Variants in TENM4 observed in about 807,000 individuals in gnomAD.
The protein encoded by TENM4 is teneurin-4.
Under a neutral mutation model 243.3 loss-of-function variants are expected in TENM4, and 82 were observed. The observed-to-expected ratio is 0.34, with a 90% CI of 0.28 to 0.40. TENM4 has a LOEUF of 0.40. Ranked by LOEUF, TENM4 falls within the 10% of genes least tolerant of loss-of-function variation. The pLI is 1.00. For synonymous variants in TENM4, 1,412 were observed against 1,456.3 expected (o/e 0.97, Z 0.69); for missense variants, 3,138 against 3,673.3 (o/e 0.85, Z 3.77).
chr11:79,172,098 C>T (rs1465888315), intron 3 of TENM4, among the ~76,000 whole-genome samples: 2 of 152,150 alleles, frequency 1.3e-5, no homozygotes, highest in African/African-American at 2.4e-5. Context: ...ACTACAGGCA[C>T]GTGCCACCAC....
chr11:79,194,416 G>A (rs1353981586), intron 3 of TENM4, among the ~76,000 whole-genome samples: 1 of 152,076 alleles, frequency 6.6e-6, no homozygotes, highest in Non-Finnish European at 1.5e-5. Context: ...AGGAAAATGT[G>A]GGAAAGTTTG....
intron 3 of TENM4, among the ~76,000 whole-genome samples, chr11:79,202,972 TG>T (rs1407713182): frequency 6.6e-6 from 1 of 152,148 alleles, no homozygotes; most frequent in Non-Finnish European, 1.5e-5. Context: ...TCCTACAAAG[TG>T]GGTATTAATA....
chr11:79,058,672 GT>G (rs1860008144), intron 6 of TENM4, among the ~76,000 whole-genome samples: 3 of 152,178 alleles, frequency 2.0e-5, no homozygotes, highest in Admixed American at 2.0e-4. Context: ...AAATCTCTGT[GT>G]CCTTGGCTAG....
chr11:78,746,336 C>T (rs1050015612), intron 19 of TENM4, among the ~76,000 whole-genome samples: 11 of 152,232 alleles, frequency 7.2e-5, no homozygotes, highest in Non-Finnish European at 1.5e-5. Flanking sequence ...TCTTCAGGGA[C>T]CTGAGGCTGT....
At chr11:79,252,791 G>C (rs1855634198) in intron 2 of TENM4, among the ~76,000 whole-genome samples, 1 of 152,130 alleles carries the variant, frequency 6.6e-6, no homozygotes, top group African/African-American at 2.4e-5. Flanking sequence ...AGGAGGATGA[G>C]AGACTCATGG....
At chr11:78,685,028 C>T (rs1175869356) in intron 29 of TENM4, among the ~76,000 whole-genome samples, 2 of 152,120 alleles carry the variant, frequency 1.3e-5, no homozygotes, top group African/African-American at 2.4e-5. Flanking sequence ...CAGGCCCCCC[C>T]CACTCCCTCC....
At chr11:78,812,646 G>C (rs1857523695) in intron 13 of TENM4, among the ~76,000 whole-genome samples, 1 of 152,254 alleles carries the variant, frequency 6.6e-6, no homozygotes, top group Non-Finnish European at 1.5e-5. Context: ...CACTGGAAAA[G>C]CCAGTGGCTG....
In TENM4 at chr11:78,979,028, G is replaced by T. The variant is rs550026718; in HGVS notation, c.494-75505C>A. Among the ~76,000 whole-genome samples the T allele has an allele frequency of 2.0e-5, 3 of 152,302 alleles. No homozygotes were observed. The South Asian group carries it at 6.2e-4, about 32-fold the overall frequency. On this transcript the variant is annotated intron_variant, in intron 6 of 33. Coordinates refer to ENST00000278550, the MANE Select transcript of TENM4 (RefSeq NM_001098816.3). ...ATTGGGGAAATGACAGAAGAGAAAG[G>T]TGCCTGTAGGGTAAGAAATGCATTC...
intron 9 of TENM4, among the ~76,000 whole-genome samples, chr11:78,879,653 C>T (rs878872460): frequency 3.7e-5 from 5 of 136,718 alleles, no homozygotes; most frequent in African/African-American, 8.4e-5. Context: ...TCTGCCCGGC[C>T]GCCACACCGT....
chr11:79,415,695 T>C (rs2135580055), intron 1 of TENM4, among the ~76,000 whole-genome samples: 1 of 152,362 alleles, frequency 6.6e-6, no homozygotes, highest in South Asian at 2.1e-4. Context: ...ATGTGATTTG[T>C]CTTTCCTTGT....
chr11:79,266,629 G>A (rs549523694), intron 2 of TENM4, among the ~76,000 whole-genome samples: 1 of 152,268 alleles, frequency 6.6e-6, no homozygotes, highest in East Asian at 1.9e-4. Context: ...CTTACGCTGT[G>A]CACTAAAGAG....
At chr11:79,063,375 AG>A (rs1860150015) in intron 6 of TENM4, among the ~76,000 whole-genome samples, 1 of 152,206 alleles carries the variant, frequency 6.6e-6, no homozygotes, top group Non-Finnish European at 1.5e-5. Flanking sequence ...AGAAGCCAGC[AG>A]GGGGCACTGG....
intron 6 of TENM4, among the ~76,000 whole-genome samples, chr11:78,923,017 A>T (rs1187324506): frequency 1.3e-5 from 2 of 152,106 alleles, no homozygotes; most frequent in Admixed American, 6.5e-5. Flanking sequence ...CTCATATGCC[A>T]GGTATTGAAT....
chr11:78,771,538 G>A (rs779966932), intron 17 of TENM4, among the ~76,000 whole-genome samples: 20 of 152,086 alleles, frequency 1.3e-4, no homozygotes, highest in African/African-American at 2.7e-4. Flanking sequence ...TATCTCTGGC[G>A]GCTGTTTAGC....
chr11:79,302,806 G>A (rs1207829049), intron 1 of TENM4, among the ~76,000 whole-genome samples: 4 of 151,960 alleles, frequency 2.6e-5, no homozygotes, highest in Non-Finnish European at 5.9e-5. Context: ...GCGGTGTAGA[G>A]CCACCATTTC....
intron 6 of TENM4, among the ~76,000 whole-genome samples, chr11:79,029,781 T>A (rs945231544): frequency 2.0e-5 from 3 of 152,302 alleles, no homozygotes; most frequent in Middle Eastern, 3.4e-3. Context: ...TTGTGACAAG[T>A]AGCTTTCTCT....
chr11:79,127,713 A>G (rs1475668973), intron 4 of TENM4, among the ~76,000 whole-genome samples: 2 of 152,200 alleles, frequency 1.3e-5, no homozygotes, highest in Admixed American at 6.5e-5. Flanking sequence ...CCTTATGCTG[A>G]TCGGATCCAG....
chr11:79,163,401 G>A (rs899749744), intron 3 of TENM4, among the ~76,000 whole-genome samples: 3 of 151,988 alleles, frequency 2.0e-5, no homozygotes, highest in East Asian at 1.9e-4. Flanking sequence ...GAGGCCTGCC[G>A]AACTTTTTTT....
intron 1 of TENM4, among the ~76,000 whole-genome samples, chr11:79,358,378 C>A (rs1283007631): frequency 6.6e-6 from 1 of 152,142 alleles, no homozygotes; most frequent in Admixed American, 6.5e-5. Flanking sequence ...AGGTGGTATC[C>A]CCAGAGAGCT....
Sources: gnomAD v4.1 joint callset for allele counts (sites outside exome capture counted in the v4.1 genomes callset) on GRCh38, gnomAD v4.1.1 for gene constraint, MANE v1.5 for transcripts, NCBI Gene and HGNC (gene_info 2026-07-23, HGNC 2026-07-21) for gene names.